The following SLC16A10 variants were observed in gnomAD, a reference collection of about 807,000 sequenced individuals.
SLC16A10 encodes monocarboxylate transporter 10.
A neutral mutation model predicts 40.0 loss-of-function variants in SLC16A10; 27 were observed. The observed-to-expected ratio is 0.67, with a 90% CI of 0.50 to 0.93. SLC16A10 has a LOEUF of 0.93. SLC16A10 is among the 40% of genes least tolerant of loss of function. SLC16A10 has a pLI of 0.00. For synonymous variants in SLC16A10, 213 were observed against 249.8 expected, an observed-to-expected ratio of 0.85 and a Z score of 1.39; for missense variants, 529 against 658.2, an observed-to-expected ratio of 0.80 and a Z score of 2.15.
At chr6:111,108,061 C>T (rs1036858109) in intron 1 of SLC16A10, among the ~76,000 whole-genome samples, 4 of 151,770 alleles carry the variant, frequency 2.6e-5, no homozygotes, top group African/African-American at 9.7e-5. Flanking sequence ...ACTTTGTCTC[C>T]CAGGCTGGAG....
At chr6:111,148,033 A>C (rs1772110438) in intron 1 of SLC16A10, among the ~76,000 whole-genome samples, 1 of 152,166 alleles carries the variant, frequency 6.6e-6, no homozygotes, top group African/African-American at 2.4e-5. Context: ...CCTGTTATTT[A>C]AATTTGATTT....
chr6:111,152,146 C>G (rs1046438679), intron 1 of SLC16A10, among the ~76,000 whole-genome samples: 4 of 152,202 alleles, frequency 2.6e-5, no homozygotes, highest in Non-Finnish European at 5.9e-5. Flanking sequence ...CCTGTTCATA[C>G]TTATCCATTT....
At chr6:111,202,913 A>G (rs972685874) in intron 3 of SLC16A10, among the ~76,000 whole-genome samples, 2 of 115,980 alleles carry the variant, frequency 1.7e-5, no homozygotes, top group African/African-American at 6.3e-5. Context: ...AAAAAAAAAA[A>G]AAAAAAAAGA....
At chr6:111,201,314 G>T (rs1169690774) in intron 3 of SLC16A10, among the ~76,000 whole-genome samples, 2 of 152,160 alleles carry the variant, frequency 1.3e-5, no homozygotes, top group African/African-American at 4.8e-5. Flanking sequence ...GGGTAGAGGG[G>T]TTGTTTTGCT....
intron 1 of SLC16A10, among the ~76,000 whole-genome samples, chr6:111,088,558 G>A (rs1434431180): frequency 6.6e-6 from 1 of 152,090 alleles, no homozygotes; most frequent in African/African-American, 2.4e-5. Context: ...CGGGGCGGGG[G>A]GTGGAGTTTG....
At chr6:111,126,676 G>A (rs188068238) in intron 1 of SLC16A10, among the ~76,000 whole-genome samples, 123 of 152,096 alleles carry the variant, frequency 8.1e-4, no homozygotes, top group Non-Finnish European at 1.6e-3. Flanking sequence ...CTTACTATAA[G>A]CCTGTCAAGT....
chr6:111,143,802 A>G (rs1463704062), intron 1 of SLC16A10, among the ~76,000 whole-genome samples: 1 of 152,180 alleles, frequency 6.6e-6, no homozygotes, highest in East Asian at 1.9e-4. Context: ...TAGATTCTAT[A>G]ATACCAACAG....
chr6:111,130,981 G>C (rs1283041558), intron 1 of SLC16A10, among the ~76,000 whole-genome samples: 1 of 152,230 alleles, frequency 6.6e-6, no homozygotes, highest in Non-Finnish European at 1.5e-5. Context: ...TTAAATGAGT[G>C]AGTATTTGTA....
At chr6:111,115,790 CTTTTT>C (rs879764961) in intron 1 of SLC16A10, among the ~76,000 whole-genome samples, 1 of 147,096 alleles carries the variant, frequency 6.8e-6, no homozygotes, top group Non-Finnish European at 1.5e-5. Context: ...AGCTAACAAA[CTTTTT>C]TTTTTTAACC....
intron 1 of SLC16A10, among the ~76,000 whole-genome samples, chr6:111,104,422 G>T (rs190891790): frequency 6.6e-6 from 1 of 152,300 alleles, no homozygotes; most frequent in East Asian, 1.9e-4. Flanking sequence ...CAGTGATGAA[G>T]AACACAGAAA....
intron 3 of SLC16A10, among the ~76,000 whole-genome samples, chr6:111,183,722 A>T (rs1772845486): frequency 6.6e-6 from 1 of 152,232 alleles, no homozygotes; most frequent in Non-Finnish European, 1.5e-5. Flanking sequence ...CCGTTGATGG[A>T]GGAGAGAGTT....
At chr6:111,127,380 C>G (rs1771694571) in intron 1 of SLC16A10, among the ~76,000 whole-genome samples, 1 of 152,090 alleles carries the variant, frequency 6.6e-6, no homozygotes, top group African/African-American at 2.4e-5. Flanking sequence ...AGCACAGAAG[C>G]CGAAAGGCAG....
intron 3 of SLC16A10, among the ~76,000 whole-genome samples, chr6:111,185,896 C>T (rs1400430183): frequency 6.8e-6 from 1 of 146,550 alleles, no homozygotes; most frequent in Non-Finnish European, 1.5e-5. Flanking sequence ...GTAAATTTCA[C>T]CAGTGGGTTT....
chr6:111,150,918 C>T (rs1772162286), intron 1 of SLC16A10, among the ~76,000 whole-genome samples: 1 of 152,188 alleles, frequency 6.6e-6, no homozygotes, highest in Non-Finnish European at 1.5e-5. Context: ...AACATAACTA[C>T]TTACTCACTG....
chr6:111,171,847 A>G (rs1772592407), intron 1 of SLC16A10, among the ~76,000 whole-genome samples: 1 of 151,536 alleles, frequency 6.6e-6, no homozygotes, highest in African/African-American at 2.4e-5. Flanking sequence ...CAAAAAATTA[A>G]ATTATTAGTA....
chr6:111,215,133 A>C (rs1229624043), intron 4 of SLC16A10, among the ~76,000 whole-genome samples: 2 of 152,148 alleles, frequency 1.3e-5, no homozygotes, highest in African/African-American at 4.8e-5. Context: ...AAATAAAAAA[A>C]ATAAAAAAAA....
intron 1 of SLC16A10, among the ~76,000 whole-genome samples, chr6:111,110,670 G>C (rs1771369447): frequency 6.6e-6 from 1 of 152,130 alleles, no homozygotes. Context: ...GCTGATTAGT[G>C]ATAAGGAAAA....
Position 111,224,174 on chromosome 6 carries a change from G to T in SLC16A10, c.*1939G>T, listed in dbSNP as rs1410776270. On this transcript the variant is annotated 3_prime_UTR_variant, in exon 6 of 6. Coordinates refer to ENST00000368851, the MANE Select transcript of SLC16A10 (RefSeq NM_018593.5). ...GAAGGATTGCTTGAGCCTTGAGATG[G>T]AGGCTGCAGTGAGCTATGCCACTGT... The T allele has an allele frequency of 1.4e-4, 22 of 152,322 alleles. No individual in the cohort carries two copies. The highest frequency in any genetic ancestry group is 4.6e-4 in the African/African-American group (19 of 41,570). The allele number at this position is 152,322 out of a possible 1,614,324, so 9.4% of individuals were successfully genotyped here. A position where few individuals can be genotyped will look rare whatever the true frequency, so the allele number is the denominator to read the frequency against.
intron 1 of SLC16A10, among the ~76,000 whole-genome samples, chr6:111,169,915 C>CT (rs1772550938): frequency 2.2e-5 from 1 of 45,954 alleles, no homozygotes. Context: ...CTTTTCTTTT[C>CT]TTTCTTTTTT....
Sources: allele counts gnomAD v4.1 joint callset (sites outside exome capture counted in the v4.1 genomes callset), GRCh38; gene constraint gnomAD v4.1.1; transcripts MANE v1.5; gene names NCBI Gene and HGNC (gene_info 2026-07-23, HGNC 2026-07-21).